PLXDC2: variants seen among roughly 807,000 people sequenced by gnomAD.
PLXDC2 encodes plexin domain-containing protein 2.
In PLXDC2, 40 loss-of-function variants were observed where a neutral mutation model predicts 68.9. The ratio of observed to expected loss-of-function variants is 0.58; its 90% CI spans 0.45 to 0.76. PLXDC2 has a LOEUF of 0.76. Ranked by LOEUF, PLXDC2 falls within the 30% of genes least tolerant of loss-of-function variation. The pLI, the probability that PLXDC2 is intolerant of heterozygous loss-of-function variation, is 0.00. For synonymous variants in PLXDC2, 243 were observed against 234.2 expected, an observed-to-expected ratio of 1.04 and a Z score of -0.34; for missense variants, 644 against 661.9, an observed-to-expected ratio of 0.97 and a Z score of 0.30.
chr10:19,896,521 A>G (rs1838061136), intron 1 of PLXDC2, among the ~76,000 whole-genome samples: 2 of 152,220 alleles, frequency 1.3e-5, no homozygotes, highest in Admixed American at 6.5e-5. Flanking sequence ...GCTTGTTATT[A>G]ATAAGTCCTC....
chr10:19,940,188 A>C (rs1052948139), intron 1 of PLXDC2, among the ~76,000 whole-genome samples: 1 of 152,032 alleles, frequency 6.6e-6, no homozygotes, highest in Non-Finnish European at 1.5e-5. Flanking sequence ...CTAATTCTAC[A>C]TTCTGGGAGA....
At chr10:20,110,378 C>T (rs972176169) in intron 4 of PLXDC2, among the ~76,000 whole-genome samples, 1 of 152,184 alleles carries the variant, frequency 6.6e-6, no homozygotes, top group African/African-American at 2.4e-5. Flanking sequence ...CCTCCCCTTT[C>T]ACCATAAATT....
chr10:19,941,975 A>AG (rs1833827752), intron 1 of PLXDC2, among the ~76,000 whole-genome samples: 1 of 99,364 alleles, frequency 1.0e-5, no homozygotes, highest in African/African-American at 3.3e-5. Flanking sequence ...ACATTTAGAG[A>AG]AAAAAAAAAA....
At chr10:19,819,054 A>G (rs1836413033) in intron 1 of PLXDC2, among the ~76,000 whole-genome samples, 1 of 151,682 alleles carries the variant, frequency 6.6e-6, no homozygotes, top group Non-Finnish European at 1.5e-5. Flanking sequence ...ACACACACAC[A>G]CACACACACA....
intron 4 of PLXDC2, among the ~76,000 whole-genome samples, chr10:20,119,294 G>A (rs958024235): frequency 3.9e-5 from 6 of 151,938 alleles, no homozygotes; most frequent in Admixed American, 6.6e-5. Context: ...GGCTGAGTCC[G>A]AAAAGAGAGT....
chr10:20,134,668 G>A (rs1833912061), intron 4 of PLXDC2, among the ~76,000 whole-genome samples: 2 of 152,152 alleles, frequency 1.3e-5, no homozygotes, highest in Admixed American at 6.5e-5. Context: ...GGGTTCACAG[G>A]CGCTTACGTG....
At chr10:20,226,855 G>T (rs2131873713) in intron 12 of PLXDC2, among the ~76,000 whole-genome samples, 1 of 152,114 alleles carries the variant, frequency 6.6e-6, no homozygotes, top group Admixed American at 6.5e-5. Flanking sequence ...TACCTGCCCT[G>T]TTCCTATCAG....
chr10:20,047,082 C>T (rs2131683314), intron 3 of PLXDC2, 67 bp downstream of exon 3: 2 of 1,437,460 alleles, frequency 1.4e-6, no homozygotes, highest in Non-Finnish European at 9.3e-7. Context: ...AATTGGCCTA[C>T]AACCATTTCT....
At chr10:19,930,374 A>G (rs1833607401) in intron 1 of PLXDC2, among the ~76,000 whole-genome samples, 1 of 150,164 alleles carries the variant, frequency 6.7e-6, no homozygotes, top group African/African-American at 2.5e-5. Flanking sequence ...GCAAACCGCT[A>G]ATAAGGTCTT....
chr10:20,146,292 A>G (rs1040956015), intron 5 of PLXDC2, among the ~76,000 whole-genome samples: 5 of 141,554 alleles, frequency 3.5e-5, no homozygotes, highest in Non-Finnish European at 7.7e-5. Context: ...TTTCCTGGCT[A>G]CTGTCTTCTT....
chr10:20,081,879 A>C (rs925583253), intron 4 of PLXDC2, among the ~76,000 whole-genome samples: 4 of 151,742 alleles, frequency 2.6e-5, no homozygotes, highest in Non-Finnish European at 5.9e-5. Flanking sequence ...TCTCTACTAG[A>C]AAAAAATTTT....
intron 12 of PLXDC2, among the ~76,000 whole-genome samples, chr10:20,230,686 C>T (rs1835349510): frequency 1.2e-4 from 2 of 16,972 alleles, no homozygotes; most frequent in Non-Finnish European, 3.4e-4. Context: ...AGAGTGAGAC[C>T]TTGTCTCAAA....
In PLXDC2 at chr10:20,191,623, TC is replaced by T. The variant is rs1186295712; in HGVS notation, c.1061+14218del. On this transcript the variant is annotated intron_variant, in intron 9 of 13. Coordinates refer to ENST00000377252, the MANE Select transcript of PLXDC2 (RefSeq NM_032812.9). The stretch of plus-strand genomic sequence containing the variant: ...TCACAGGGGCCCTGGTGTGTGTTGT[TC>T]CCCTTCCTGTGTCCATGTGTTCTCA... Among the ~76,000 whole-genome samples, 13 of 150,194 alleles carry T rather than the reference TC, an allele frequency of 8.7e-5. No individual in the cohort carries two copies. The Admixed American group carries it at 8.7e-4, about 10-fold the overall frequency.
At chr10:19,937,691 G>T (rs989532427) in intron 1 of PLXDC2, among the ~76,000 whole-genome samples, 1 of 151,570 alleles carries the variant, frequency 6.6e-6, no homozygotes, top group African/African-American at 2.4e-5. Flanking sequence ...GAAAAACAAG[G>T]AAACACAAGG....
At chr10:20,265,826 G>A (rs1178143353) in intron 13 of PLXDC2, among the ~76,000 whole-genome samples, 1 of 152,116 alleles carries the variant, frequency 6.6e-6, no homozygotes, top group Non-Finnish European at 1.5e-5. Flanking sequence ...AGATGGGCAG[G>A]TGACTACTTG....
At chr10:20,261,437 C>T (rs1353248715) in intron 13 of PLXDC2, among the ~76,000 whole-genome samples, 2 of 152,118 alleles carry the variant, frequency 1.3e-5, no homozygotes, top group Non-Finnish European at 2.9e-5. Flanking sequence ...GAACAGAAAA[C>T]TCATAAAGAT....
chr10:20,217,515 G>T lies in PLXDC2; in HGVS notation c.1212G>T (p.Arg404Ser), dbSNP rs760841125. The change falls in exon 11 of 14, where the codon AGG becomes AGT. Residue 404 changes from arginine (R) to serine (S), a missense_variant. Arg to Ser is a moderately radical substitution (Grantham distance 110). This residue lies in a region of PLXDC2 where 330 missense variants were observed against 327.9 expected (regional missense o/e 1.01). Coordinates refer to ENST00000377252, the MANE Select transcript of PLXDC2 (RefSeq NM_032812.9). ...TAGGAGCGACAACCACCCAGTTCAG[G>T]GTCCTAACTACCACCAGAAGAGCAG... is the stretch of plus-strand genomic sequence containing the variant. ...TTVGATTTQF[R>S]VLTTTRRAVT... is the part of the protein sequence containing the mutation. 8.7e-6 allele frequency: 14 copies of T among 1,611,742 alleles called. No homozygotes were observed. Among genetic ancestry groups the T allele is most frequent in the Non-Finnish European group, 1.2e-5 (14 of 1,179,062 alleles).
intron 9 of PLXDC2, among the ~76,000 whole-genome samples, chr10:20,202,353 A>G (rs1834932239): frequency 6.6e-6 from 1 of 152,190 alleles, no homozygotes; most frequent in Non-Finnish European, 1.5e-5. Context: ...AGATTTCAGA[A>G]ATCTCATACT....
chr10:20,149,397 C>T (rs1162946094), intron 6 of PLXDC2, among the ~76,000 whole-genome samples: 1 of 151,662 alleles, frequency 6.6e-6, no homozygotes, highest in East Asian at 1.9e-4. Context: ...CACCACCATG[C>T]CCAGCTAATT....
Sources: allele counts gnomAD v4.1 joint callset (sites outside exome capture counted in the v4.1 genomes callset), GRCh38; gene constraint gnomAD v4.1.1; regional missense constraint gnomAD v4.1.1; transcripts MANE v1.5; gene names NCBI Gene and HGNC (gene_info 2026-07-23, HGNC 2026-07-21).